SCN7A: variants seen among roughly 807,000 people sequenced by gnomAD.
The protein encoded by SCN7A is sodium channel protein type 7 subunit alpha.
In SCN7A, 138 loss-of-function variants were observed where a neutral mutation model predicts 155.2. The observed-to-expected ratio is 0.89, with a 90% CI of 0.77 to 1.02. The LOEUF (loss-of-function observed/expected upper bound fraction) is 1.02, where lower values mean the gene tolerates loss of function less well. Ranked by LOEUF, SCN7A falls within the 50% of genes least tolerant of loss-of-function variation. The probability of loss-of-function intolerance (pLI) is 0.00; values close to 1 mark genes in which losing one functional copy is unlikely to be tolerated. For synonymous variants in SCN7A, 693 were observed against 649.0 expected (o/e 1.07, Z -1.03); for missense variants, 2,058 against 1,986.6 (o/e 1.04, Z -0.68).
Position 166,477,721 on chromosome 2 carries a change from T to G in SCN7A, c.-14-11A>C. The G allele has an allele frequency of 6.6e-7, 1 of 1,505,564 alleles. No individual in the cohort carries two copies. The highest frequency in any genetic ancestry group is 2.5e-5 in the Admixed American group (1 of 39,792). 93.3% of individuals were successfully genotyped at this position (1,505,564 alleles called of 1,614,324 possible). A position where few individuals can be genotyped will look rare whatever the true frequency, so the allele number is the denominator to read the frequency against. On this transcript the variant is annotated splice_polypyrimidine_tract_variant and intron_variant, in intron 2 of 25. Coordinates refer to ENST00000643258, the MANE Select transcript of SCN7A (RefSeq NM_002976.4). ...TTTCCAATTTTGTACCTGCAAAAAATTCTGTATTAAAGTTGGGTATACTAA... is the reference window on the plus strand; with the variant it reads ...TTTCCAATTTTGTACCTGCAAAAAAGTCTGTATTAAAGTTGGGTATACTAA...
At chr2:166,465,742 A>G (rs777796062) in intron 8 of SCN7A, 39 bp downstream of exon 8, 29 of 1,599,552 alleles carry the variant, frequency 1.8e-5, no homozygotes, top group East Asian at 8.9e-5. Flanking sequence ...CTTTAACGAA[A>G]GTTTCAATTT....
intron 15 of SCN7A, among the ~76,000 whole-genome samples, chr2:166,435,089 T>C (rs951005724): frequency 2.0e-4 from 31 of 152,106 alleles, no homozygotes; most frequent in African/African-American, 6.7e-4. Context: ...ATAGTGAAAA[T>C]GTTCAAAGCC....
At chr2:166,470,424 T>C (rs1026505055) in intron 7 of SCN7A, among the ~76,000 whole-genome samples, 191 bp downstream of exon 7, 17 of 151,850 alleles carry the variant, frequency 1.1e-4, no homozygotes, top group African/African-American at 4.1e-4. Flanking sequence ...CTACACCAAA[T>C]AAATAACAGT....
At chr2:166,473,009 G>C (rs1225525809) in intron 5 of SCN7A, among the ~76,000 whole-genome samples, 2 of 151,634 alleles carry the variant, frequency 1.3e-5, no homozygotes, top group African/African-American at 4.8e-5. Flanking sequence ...ACAGACACTG[G>C]GGCCTTTTGG....
chr2:166,441,351 CTT>C (rs909204826), intron 15 of SCN7A, 43 bp downstream of exon 15: 16 of 1,368,896 alleles, frequency 1.2e-5, no homozygotes, highest in Non-Finnish European at 1.3e-5. Context: ...ACCAAACTAC[CTT>C]ATACCAGTTT....
At chr2:166,490,495 T>C (rs1683069244) in intron 1 of SCN7A, among the ~76,000 whole-genome samples, 1 of 152,216 alleles carries the variant, frequency 6.6e-6, no homozygotes, top group East Asian at 1.9e-4. Flanking sequence ...TCCTGCAGTA[T>C]TATTTACAAG....
chr2:166,453,405 C>T (rs907470295), intron 11 of SCN7A, among the ~76,000 whole-genome samples: 2 of 152,116 alleles, frequency 1.3e-5, no homozygotes, highest in Admixed American at 6.6e-5. Context: ...AGATTGCTGA[C>T]CGCAATAGTT....
At chr2:166,454,909 C>A (rs977750289) in intron 11 of SCN7A, among the ~76,000 whole-genome samples, 1 of 151,770 alleles carries the variant, frequency 6.6e-6, no homozygotes, top group Admixed American at 6.6e-5. Context: ...ACTAATAGAC[C>A]AAAGTTTTTG....
Position 166,412,686 on chromosome 2 carries a change from C to T in SCN7A, c.3469-19G>A, listed in dbSNP as rs757978294. ...TATTAACCTAGAAGTTTAAAATAAG[C>T]AAATTATTGATATTGGCTTTTTAAA... On this transcript the variant is annotated intron_variant, in intron 22 of 25. Transcript: ENST00000643258. 2.7e-5 allele frequency: 39 copies of T among 1,469,516 alleles called. No homozygotes were observed. The highest frequency in any genetic ancestry group is 3.2e-5 in the Non-Finnish European group (36 of 1,116,670). The allele number at this position is 1,469,516 out of a possible 1,614,324, so 91.0% of individuals were successfully genotyped here. A position where few individuals can be genotyped will look rare whatever the true frequency, so the allele number is the denominator to read the frequency against.
chr2:166,493,648 T>G (rs1467109865), intron 1 of SCN7A, among the ~76,000 whole-genome samples: 1 of 152,222 alleles, frequency 6.6e-6, no homozygotes, highest in Non-Finnish European at 1.5e-5. Flanking sequence ...CATTGTACCA[T>G]GTAATGTAAG....
At chr2:166,414,675 A>G (rs1701321414) in intron 21 of SCN7A, 1 of 142,538 alleles carries the variant, frequency 7.0e-6, no homozygotes, top group South Asian at 2.1e-4. Context: ...ATATGTTCAC[A>G]GTGGGAATAG....
Position 166,444,875 on chromosome 2 carries a change from G to T in SCN7A, c.1513C>A (p.Pro505Thr), listed in dbSNP as rs766603921. 1.2e-6 allele frequency: 2 copies of T among 1,611,936 alleles called. No individual in the cohort carries two copies. The highest frequency in any genetic ancestry group is 1.7e-6 in the Non-Finnish European group (2 of 1,178,412). ...KEFVHRIIMA[P>T]FTDLFLIICI... Reference sequence around the variant, plus strand: ...ATGATAAGGAAAAGATCAGTAAATGGTGCCATTATAATCCTATGGACAAAC... The same window carrying T: ...ATGATAAGGAAAAGATCAGTAAATGTTGCCATTATAATCCTATGGACAAAC... The change falls in exon 13 of 26, where the codon CCA becomes ACA. Residue 505 changes from proline to threonine, a missense_variant. Coordinates refer to ENST00000643258, the MANE Select transcript of SCN7A (RefSeq NM_002976.4).
chr2:166,441,562 C>A lies in SCN7A; in HGVS notation c.1991G>T (p.Cys664Phe). 6.2e-7 allele frequency: 1 copy of A among 1,614,048 alleles called. No homozygotes were observed. The highest frequency in any genetic ancestry group is 2.2e-5 in the East Asian group (1 of 44,862). The change falls in exon 15 of 26, where the codon TGT (cysteine) becomes TTT (phenylalanine). Residue 664 changes from cysteine (C) to phenylalanine (F), a missense_variant. Cys to Phe is a radical substitution (Grantham distance 205). Transcript: ENST00000643258. ...ATGCATGTGCCAGCGTGGGAGTTGA[C>A]AGTCTTTGTCTATGTGGCAGACAAA... Reference protein sequence around the residue: ...EEFVCHIDKDCQLPRWHMHDF... With the variant: ...EEFVCHIDKDFQLPRWHMHDF...
chr2:166,439,285 T>C (rs1412824492), intron 15 of SCN7A, among the ~76,000 whole-genome samples: 1 of 151,928 alleles, frequency 6.6e-6, no homozygotes, highest in Admixed American at 6.6e-5. Flanking sequence ...CAGTTTAACA[T>C]AATAAATGCA....
chr2:166,446,570 C>T (rs923267620), intron 12 of SCN7A, among the ~76,000 whole-genome samples: 2 of 152,100 alleles, frequency 1.3e-5, no homozygotes, highest in Non-Finnish European at 2.9e-5. Flanking sequence ...CACATGCACA[C>T]GTATGTTCAT....
rs1376983926 is a variant in SCN7A at position 166,445,972 on chromosome 2, G to A, written c.1388-972C>T. 2.0e-5 allele frequency among the ~76,000 whole-genome samples: 3 copies of A among 152,230 alleles called. No individual in the cohort carries two copies. In the East Asian group the frequency reaches 5.8e-4, roughly 29 times the overall value. ...GATTCAGAACATAAGCATGGGCAAA[G>A]CCTTCATGACTAAAACACCAAAAGC... On this transcript the variant is annotated intron_variant, in intron 12 of 25. Transcript: ENST00000643258.
chr2:166,440,713 G>A (rs1484744694), intron 15 of SCN7A: 2 of 151,732 alleles, frequency 1.3e-5, no homozygotes, highest in African/African-American at 4.8e-5. Flanking sequence ...AATAAAGGGA[G>A]ACTATTGTAT....
At chr2:166,421,820 C>A (rs1414280292) in intron 19 of SCN7A, among the ~76,000 whole-genome samples, 1 of 151,872 alleles carries the variant, frequency 6.6e-6, no homozygotes, top group African/African-American at 2.4e-5. Context: ...AAAAGTATAA[C>A]CAGATACTAA....
chr2:166,405,295 C>G lies in SCN7A; in HGVS notation c.*285G>C, dbSNP rs1319403404. 9.8e-6 allele frequency: 3 copies of G among 305,428 alleles called. No individual in the cohort carries two copies. The highest frequency in any genetic ancestry group is 1.8e-5 in the Non-Finnish European group (3 of 169,030). The allele number at this position is 305,428 out of a possible 1,614,324, so 18.9% of individuals were successfully genotyped here. A position where few individuals can be genotyped will look rare whatever the true frequency, so the allele number is the denominator to read the frequency against. On this transcript the variant is annotated 3_prime_UTR_variant, in exon 26 of 26. Transcript: ENST00000643258. ...TCTCTATCACCACTTCCCTTCATTC[C>G]CTAGAAGGCACACATCATATAAGCC...
Sources: allele counts gnomAD v4.1 joint callset (sites outside exome capture counted in the v4.1 genomes callset), GRCh38; gene constraint gnomAD v4.1.1; transcripts MANE v1.5; gene names NCBI Gene and HGNC (gene_info 2026-07-23, HGNC 2026-07-21).